Variants in HIP1 observed in about 807,000 individuals in gnomAD.
HIP1 encodes huntingtin-interacting protein 1.
HIP1 carries 65 observed loss-of-function variants against 147.6 expected under a neutral mutation model. That is an observed-to-expected ratio of 0.44 (90% CI 0.36 to 0.54). The LOEUF (loss-of-function observed/expected upper bound fraction) is 0.54, where lower values mean the gene tolerates loss of function less well. HIP1 is among the 20% of genes least tolerant of loss of function. The pLI is 0.00. For missense variants in HIP1, 1,061 were observed against 1,299.6 expected (o/e 0.82, Z 2.82); for synonymous variants, 479 against 504.0 (o/e 0.95, Z 0.67).
chr7:75,624,609 A>G (rs1420110763), intron 1 of HIP1, among the ~76,000 whole-genome samples: 2 of 152,116 alleles, frequency 1.3e-5, no homozygotes, highest in Non-Finnish European at 2.9e-5. Flanking sequence ...AGCTCCAATC[A>G]TGTCAGAAAC....
rs528056923 is a variant in HIP1, at chr7:75,666,664, G to A, written c.121-67417C>T. ...GGGTGTTACTGAAGTCACAGGGCAA[G>A]GGAGATGCGAGAAGGATGGAAGGCA... On this transcript the variant is annotated intron_variant, in intron 1 of 30. Coordinates refer to ENST00000336926, the MANE Select transcript of HIP1 (RefSeq NM_005338.7). 2.6e-4 allele frequency among the ~76,000 whole-genome samples: 40 copies of A among 152,318 alleles called. No homozygotes were observed. In the East Asian group the frequency reaches 6.9e-3, roughly 26 times the overall value.
At chr7:75,703,921 T>C (rs1189372875) in intron 1 of HIP1, among the ~76,000 whole-genome samples, 1 of 152,136 alleles carries the variant, frequency 6.6e-6, no homozygotes, top group Non-Finnish European at 1.5e-5. Flanking sequence ...TGGCCAGAGC[T>C]GCCGACCCGA....
chr7:75,540,573 T>G (rs1301481883), intron 29 of HIP1, among the ~76,000 whole-genome samples: 1 of 151,794 alleles, frequency 6.6e-6, no homozygotes, highest in East Asian at 1.9e-4. Context: ...ATCACACCAA[T>G]GCACTCCAGC....
intron 1 of HIP1, among the ~76,000 whole-genome samples, chr7:75,656,666 G>A (rs373523826): frequency 6.6e-6 from 1 of 151,956 alleles, no homozygotes; most frequent in Non-Finnish European, 1.5e-5. Flanking sequence ...TGGTAGAGAC[G>A]GGGTTTCTCC....
chr7:75,639,740 G>T (rs1798583240), intron 1 of HIP1, among the ~76,000 whole-genome samples: 1 of 152,138 alleles, frequency 6.6e-6, no homozygotes, highest in Non-Finnish European at 1.5e-5. Flanking sequence ...AGTGGGGGCA[G>T]GGGGTCCGCT....
chr7:75,543,078 G>A (rs902424519), intron 27 of HIP1, 104 bp from the exon 28 acceptor site: 121 of 1,201,668 alleles, frequency 1.0e-4, no homozygotes, highest in African/African-American at 1.5e-4. Context: ...TGGGCCAAAC[G>A]GCAATCACCA....
At chr7:75,556,224 T>C (rs587702739) in intron 17 of HIP1, 55 bp from the exon 18 acceptor site, 2 of 1,590,386 alleles carry the variant, frequency 1.3e-6, no homozygotes, top group East Asian at 4.5e-5. Context: ...AAACAGTCCC[T>C]ACTTCCCAGA....
At chr7:75,702,268 A>G (rs1800859745) in intron 1 of HIP1, among the ~76,000 whole-genome samples, 1 of 152,036 alleles carries the variant, frequency 6.6e-6, no homozygotes, top group East Asian at 1.9e-4. Context: ...GCACCACCAC[A>G]TCTGGCAAAT....
intron 1 of HIP1, among the ~76,000 whole-genome samples, chr7:75,637,551 T>TTTTTA: frequency 6.8e-6 from 1 of 147,026 alleles, no homozygotes; most frequent in Non-Finnish European, 1.5e-5. Flanking sequence ...TTTTTTTTTT[T>TTTTTA]TTTTTTTTTT....
chr7:75,722,030 G>A (rs997321526), intron 1 of HIP1, among the ~76,000 whole-genome samples: 13 of 152,300 alleles, frequency 8.5e-5, no homozygotes, highest in South Asian at 2.1e-4. Flanking sequence ...CACGCTAGGC[G>A]TGGTGGCTCA....
chr7:75,595,059 T>C (rs1315476842), intron 2 of HIP1, among the ~76,000 whole-genome samples: 1 of 152,140 alleles, frequency 6.6e-6, no homozygotes, highest in Non-Finnish European at 1.5e-5. Flanking sequence ...CCAGAGCACA[T>C]GTTATTTTGC....
At chr7:75,656,301 G>C (rs1162035004) in intron 1 of HIP1, among the ~76,000 whole-genome samples, 5 of 151,752 alleles carry the variant, frequency 3.3e-5, no homozygotes, top group Admixed American at 2.0e-4. Flanking sequence ...AATAAAGGTG[G>C]CATTTCAAAT....
chr7:75,626,070 G>A (rs1554507965), intron 1 of HIP1: 2 of 152,248 alleles, frequency 1.3e-5, no homozygotes, highest in South Asian at 4.1e-4. Context: ...GTGGCGCTGT[G>A]ATGTTGGACT....
intron 29 of HIP1, 40 bp downstream of exon 29, chr7:75,541,879 G>C (rs376607958): frequency 7.0e-7 from 1 of 1,428,706 alleles, no homozygotes; most frequent in Non-Finnish European, 9.9e-7. Context: ...TCCATGTCTA[G>C]GCAATAGAGG....
intron 18 of HIP1, among the ~76,000 whole-genome samples, 185 bp from the exon 19 acceptor site, chr7:75,555,736 C>T (rs1463375269): frequency 3.9e-5 from 6 of 152,176 alleles, no homozygotes; most frequent in African/African-American, 1.4e-4. Flanking sequence ...CCACGATGTG[C>T]GGCTGCCCAC....
chr7:75,664,621 G>A (rs1234182571), intron 1 of HIP1, among the ~76,000 whole-genome samples: 1 of 150,358 alleles, frequency 6.7e-6, no homozygotes, highest in Non-Finnish European at 1.5e-5. Context: ...GAGAGAGACA[G>A]GCAGACGGAC....
In HIP1 at chr7:75,689,299, A is replaced by C. The variant is rs544945553; in HGVS notation, c.120+49502T>G. Among the ~76,000 whole-genome samples the C allele has an allele frequency of 3.9e-5, 6 of 152,268 alleles. No homozygotes were observed. The East Asian group carries it at 7.7e-4, about 20-fold the overall frequency. On this transcript the variant is annotated intron_variant, in intron 1 of 30. Transcript: ENST00000336926. ...GTCAGGAGGATCACTTGAGGTCAGG[A>C]ATTCGAGACCCGCCTGGCCAACATG...
At chr7:75,647,264 G>A (rs1419282757) in intron 1 of HIP1, among the ~76,000 whole-genome samples, 1 of 146,544 alleles carries the variant, frequency 6.8e-6, no homozygotes. Flanking sequence ...CAGACATGGT[G>A]GCATGCGCCT....
At chr7:75,645,955 AG>A (rs1256901226) in intron 1 of HIP1, among the ~76,000 whole-genome samples, 1 of 152,218 alleles carries the variant, frequency 6.6e-6, no homozygotes, top group Non-Finnish European at 1.5e-5. Flanking sequence ...GGAGGGGACA[AG>A]TGTTGAAAAA....
Sources: allele counts gnomAD v4.1 joint callset (sites outside exome capture counted in the v4.1 genomes callset), GRCh38; gene constraint gnomAD v4.1.1; transcripts MANE v1.5; gene names NCBI Gene and HGNC (gene_info 2026-07-23, HGNC 2026-07-21).